TNR: variants seen among roughly 807,000 people sequenced by gnomAD.
TNR encodes tenascin-R.
In TNR, 45 loss-of-function variants were observed where a neutral mutation model predicts 150.4. The observed-to-expected ratio is 0.30, with a 90% confidence interval of 0.24 to 0.38. The LOEUF (loss-of-function observed/expected upper bound fraction) is 0.38. TNR is among the 10% of genes least tolerant of loss of function. TNR has a pLI of 1.00. For missense variants in TNR, 1,544 were observed against 1,759.1 expected (o/e 0.88, Z 2.19); for synonymous variants, 687 against 678.4 (o/e 1.01, Z -0.20).
chr1:175,567,719 T>A (rs1487897468), intron 1 of TNR, among the ~76,000 whole-genome samples: 1 of 152,148 alleles, frequency 6.6e-6, no homozygotes, highest in Non-Finnish European at 1.5e-5. Context: ...GCTCTGGAAC[T>A]CATTTGCCTC....
intron 1 of TNR, among the ~76,000 whole-genome samples, chr1:175,741,328 T>A (rs2101963063): frequency 6.6e-6 from 1 of 152,196 alleles, no homozygotes; most frequent in Admixed American, 6.5e-5. Flanking sequence ...CACTGAGCAC[T>A]TTTTTTTCAG....
In TNR at chr1:175,672,649, G is replaced by A. The variant is rs538087156; in HGVS notation, c.-165+70577C>T. ...AGAGGTGAATTCTAACCAGACAAGA[G>A]GATATCCCACAGCTCTTTTTGCTGA... is the stretch of plus-strand genomic sequence containing the variant. On this transcript the variant is annotated intron_variant, in intron 1 of 22. Coordinates refer to ENST00000367674, the MANE Select transcript of TNR (RefSeq NM_003285.3). 3.3e-5 allele frequency among the ~76,000 whole-genome samples: 5 copies of A among 152,158 alleles called. No homozygotes were observed. In the East Asian group the frequency reaches 9.6e-4, roughly 29 times the overall value.
At chr1:175,450,680 G>A (rs951113517) in intron 2 of TNR, among the ~76,000 whole-genome samples, 3 of 152,244 alleles carry the variant, frequency 2.0e-5, no homozygotes, top group African/African-American at 7.2e-5. Context: ...AGCACATTTT[G>A]TCTGATGAAT....
At chr1:175,487,724 G>A (rs7526745) in intron 2 of TNR, among the ~76,000 whole-genome samples, 1,822 of 152,248 alleles carry the variant, frequency 0.012, 24 homozygotes, top group African/African-American at 0.025. Context: ...CAAAGACTTC[G>A]TAGGAATCAT....
rs565795390 is a variant in TNR, at chr1:175,338,171, T to A, written c.3383-492A>T. Among the ~76,000 whole-genome samples, 21 of 152,334 alleles carry A rather than the reference T, an allele frequency of 1.4e-4. 1 individual carries two copies. Among genetic ancestry groups the A allele is most frequent in the Admixed American group, 1.2e-3 (19 of 15,308 alleles). On this transcript the variant is annotated intron_variant, in intron 18 of 22. Transcript: ENST00000367674. Reference sequence around the variant, plus strand: ...GCAAAGCTTTCTGTCATCTTTACAGTAGCCATTAAGGAATGCCCAAACAAG... The same window carrying A: ...GCAAAGCTTTCTGTCATCTTTACAGAAGCCATTAAGGAATGCCCAAACAAG...
chr1:175,558,325 A>G (rs1661273573), intron 1 of TNR, among the ~76,000 whole-genome samples: 1 of 152,212 alleles, frequency 6.6e-6, no homozygotes, highest in Admixed American at 6.5e-5. Flanking sequence ...TCTTTTTTAA[A>G]ATAATTATCT....
intron 1 of TNR, among the ~76,000 whole-genome samples, chr1:175,540,849 T>C (rs1660474899): frequency 6.6e-6 from 1 of 152,072 alleles, no homozygotes; most frequent in South Asian, 2.1e-4. Flanking sequence ...AGAGGATTTT[T>C]TCTAAAGCAA....
intron 2 of TNR, among the ~76,000 whole-genome samples, chr1:175,430,995 A>G (rs1371128509): frequency 1.3e-5 from 2 of 152,184 alleles, no homozygotes; most frequent in South Asian, 2.1e-4. Flanking sequence ...TTGCATATCT[A>G]TACATGGGCT....
At chr1:175,374,380 G>A (rs969979975) in intron 9 of TNR, among the ~76,000 whole-genome samples, 52 of 152,218 alleles carry the variant, frequency 3.4e-4, no homozygotes, top group Non-Finnish European at 1.0e-4. Context: ...GTGTGTGTAC[G>A]TGTGAGGGTA....
rs187897289 is a variant in TNR at position 175,475,850 on chromosome 1, G to A, written c.-64+52419C>T. The stretch of plus-strand genomic sequence containing the variant: ...AGAAGGAGAATCCAAGAAATAATGA[G>A]CAATTTGAGCAATCTAAGGACTAAA... On this transcript the variant is annotated intron_variant, in intron 2 of 22. Transcript: ENST00000367674. 5.3e-5 allele frequency among the ~76,000 whole-genome samples: 8 copies of A among 152,272 alleles called. No individual in the cohort carries two copies. The East Asian group carries it at 1.3e-3, about 26-fold the overall frequency.
intron 1 of TNR, among the ~76,000 whole-genome samples, chr1:175,639,342 C>T (rs1664581654): frequency 6.6e-6 from 1 of 152,142 alleles, no homozygotes; most frequent in African/African-American, 2.4e-5. Context: ...AATTTCTATA[C>T]ATCTCTGGAA....
chr1:175,718,185 G>A (rs1667204551), intron 1 of TNR, among the ~76,000 whole-genome samples: 1 of 152,166 alleles, frequency 6.6e-6, no homozygotes, highest in Non-Finnish European at 1.5e-5. Context: ...GATCATGGGT[G>A]AAACAAAATA....
At chr1:175,634,656 C>A (rs1425724577) in intron 1 of TNR, among the ~76,000 whole-genome samples, 2 of 152,122 alleles carry the variant, frequency 1.3e-5, no homozygotes, top group Non-Finnish European at 2.9e-5. Flanking sequence ...CTTAACACAT[C>A]CCCCAATATT....
At chr1:175,680,053 A>G (rs565222728) in intron 1 of TNR, among the ~76,000 whole-genome samples, 2 of 152,264 alleles carry the variant, frequency 1.3e-5, no homozygotes, top group South Asian at 2.1e-4. Context: ...GCTGAGAACC[A>G]TGTACACCCC....
intron 1 of TNR, among the ~76,000 whole-genome samples, chr1:175,597,746 A>T (rs1663065929): frequency 6.6e-6 from 1 of 152,214 alleles, no homozygotes; most frequent in South Asian, 2.1e-4. Context: ...CATGTAAATT[A>T]GCATTGATCC....
At chr1:175,352,518 C>T (rs745447931) in intron 18 of TNR, among the ~76,000 whole-genome samples, 4 of 152,146 alleles carry the variant, frequency 2.6e-5, no homozygotes, top group East Asian at 3.9e-4. Context: ...AATTAACCTG[C>T]GAATGTGCAG....
intron 1 of TNR, among the ~76,000 whole-genome samples, chr1:175,728,972 C>A (rs1049783699): frequency 3.3e-5 from 5 of 152,176 alleles, no homozygotes; most frequent in African/African-American, 1.2e-4. Context: ...GAAGTCAGAA[C>A]TGCAGAGCCT....
At chr1:175,520,079 G>T (rs1056337048) in intron 2 of TNR, among the ~76,000 whole-genome samples, 1 of 152,226 alleles carries the variant, frequency 6.6e-6, no homozygotes, top group African/African-American at 2.4e-5. Context: ...GTTAAGAGAA[G>T]TAAATGAGCG....
intron 1 of TNR, among the ~76,000 whole-genome samples, chr1:175,581,092 G>A (rs1662332241): frequency 6.6e-6 from 1 of 152,206 alleles, no homozygotes; most frequent in South Asian, 2.1e-4. Flanking sequence ...CTGACAGCTG[G>A]CTTTTAAATA....
Sources: gnomAD v4.1 joint callset for allele counts (sites outside exome capture counted in the v4.1 genomes callset) on GRCh38, gnomAD v4.1.1 for gene constraint, MANE v1.5 for transcripts, NCBI Gene and HGNC (gene_info 2026-07-23, HGNC 2026-07-21) for gene names.